The following FRAS1 variants were observed in gnomAD, a reference collection of about 807,000 sequenced individuals.
FRAS1 encodes the protein Fraser extracellular matrix complex subunit 1, also known as extracellular matrix organizing protein FRAS1.
A neutral mutation model predicts 435.2 loss-of-function variants in FRAS1; 290 were observed. The ratio of observed to expected loss-of-function variants is 0.67; its 90% CI spans 0.61 to 0.73. The LOEUF (loss-of-function observed/expected upper bound fraction) is 0.73. Among genes scored for constraint, FRAS1 ranks in the 30% least tolerant of loss-of-function variants. The probability of loss-of-function intolerance (pLI) is 0.00; values close to 1 mark genes in which losing one functional copy is unlikely to be tolerated. For missense variants in FRAS1, 4,860 were observed against 5,001.5 expected (o/e 0.97, Z 0.85); for synonymous variants, 1,800 against 1,851.0 (o/e 0.97, Z 0.71).
At chr4:78,117,695 T>C (rs115675829) in intron 2 of FRAS1, among the ~76,000 whole-genome samples, 42,490 of 147,986 alleles carry the variant, frequency 0.29, 6,253 homozygotes, top group African/African-American at 0.36. Flanking sequence ...CTTTTGAAGA[T>C]TTCTCTGCAT....
chr4:78,452,200 CA>C lies in FRAS1; in HGVS notation c.6610del (p.Thr2204ProfsTer12). The C allele has an allele frequency of 6.2e-7, 1 of 1,613,684 alleles. No individual in the cohort carries two copies. Among genetic ancestry groups the C allele is most frequent in the South Asian group, 1.1e-5 (1 of 91,056 alleles). On this transcript the variant is annotated frameshift_variant, in exon 47 of 74. Transcript: ENST00000512123. LOFTEE classifies it high-confidence loss of function. Reference protein sequence around the residue: ...LEDKSPPVITTNKGLVLDENS... With the variant: ...LEDKSPPVITXNKGLVLDENS... ...AAGACAAATCCCCACCAGTCATCAC[CA>C]CCAATAAAGGACTGGTCTTGGATGA...
chr4:78,099,711 G>T (rs1418673313), intron 2 of FRAS1, among the ~76,000 whole-genome samples: 3 of 152,160 alleles, frequency 2.0e-5, no homozygotes, highest in African/African-American at 7.2e-5. Context: ...AGGGAGTGTG[G>T]TTCCAGAGTA....
rs1270945122 is a variant in FRAS1, at chr4:78,138,986, T to C, written c.108+72970T>C. On this transcript the variant is annotated intron_variant, in intron 2 of 73. Transcript: ENST00000512123. ...GTGTGTGTACATGTGCTCACAAGCA[T>C]GTGCAATGCAGATCTGCACATCTGT... Among the ~76,000 whole-genome samples the C allele has an allele frequency of 5.3e-5, 8 of 152,354 alleles. No homozygotes were observed. The East Asian group carries it at 1.2e-3, about 22-fold the overall frequency.
At chr4:78,501,164 T>C (rs1720670911) in intron 61 of FRAS1, among the ~76,000 whole-genome samples, 1 of 152,156 alleles carries the variant, frequency 6.6e-6, no homozygotes, top group African/African-American at 2.4e-5. Context: ...CCCTGCCCTG[T>C]GTCCAAGTGT....
Position 78,268,876 on chromosome 4 carries a change from G to A in FRAS1, c.981+1444G>A, listed in dbSNP as rs143810266. On this transcript the variant is annotated intron_variant, in intron 9 of 73. Transcript: ENST00000512123. Reference sequence around the variant, plus strand: ...AGTATTCAAGTCACCCCATAACACCGTCTCATTCCTTTCTAGTTACTTCCA... The same window carrying A: ...AGTATTCAAGTCACCCCATAACACCATCTCATTCCTTTCTAGTTACTTCCA... 8.1e-4 allele frequency among the ~76,000 whole-genome samples: 124 copies of A among 152,248 alleles called. 1 individual carries two copies. The highest frequency in any genetic ancestry group is 2.8e-3 in the African/African-American group (115 of 41,540).
intron 2 of FRAS1, among the ~76,000 whole-genome samples, chr4:78,078,825 G>C (rs929936607): frequency 6.6e-6 from 1 of 151,878 alleles, no homozygotes; most frequent in Non-Finnish European, 1.5e-5. Context: ...TTAATAACCA[G>C]GTAAAAACTA....
rs550923189 is a variant in FRAS1, at chr4:78,318,101, G to A, written c.1960+593G>A. On this transcript the variant is annotated intron_variant, in intron 17 of 73. Coordinates refer to ENST00000512123, the MANE Select transcript of FRAS1 (RefSeq NM_025074.7). ...CAATGTATATTTATTTGTATATCAG[G>A]CACCTTAGAACAGAGTTTGAGAATA... is the stretch of plus-strand genomic sequence containing the variant. 1.4e-4 allele frequency among the ~76,000 whole-genome samples: 22 copies of A among 152,202 alleles called. No individual in the cohort carries two copies. The South Asian group carries it at 4.6e-3, about 32-fold the overall frequency.
At chr4:78,404,181 T>A (rs1471621802) in intron 30 of FRAS1, among the ~76,000 whole-genome samples, 1 of 152,124 alleles carries the variant, frequency 6.6e-6, no homozygotes, top group Non-Finnish European at 1.5e-5. Flanking sequence ...TAAGATACGT[T>A]CATATGAATG....
At chr4:78,169,144 C>T (rs1172330968) in intron 2 of FRAS1, among the ~76,000 whole-genome samples, 1 of 152,054 alleles carries the variant, frequency 6.6e-6, no homozygotes, top group Non-Finnish European at 1.5e-5. Flanking sequence ...TTGAGCCATT[C>T]AGAATGAGTT....
In FRAS1 at chr4:78,475,521, G is replaced by A. The variant is rs1468106941; in HGVS notation, c.7766G>A (p.Cys2589Tyr). 1.2e-6 allele frequency: 2 copies of A among 1,613,776 alleles called. No homozygotes were observed. Among genetic ancestry groups the A allele is most frequent in the Non-Finnish European group, 1.7e-6 (2 of 1,179,824 alleles). Residue 2589 changes from cysteine to tyrosine, a missense_variant, in exon 54 of 74, where the codon TGT becomes TAT. Transcript: ENST00000512123. ...CTGAACCAATATGCCATCGTCCTGT[G>A]TCGCACCGAGCAAGGCACCGCCAGC... The part of the protein sequence containing the change: ...GNLNQYAIVL[C>Y]RTEQGTASSS...
intron 23 of FRAS1, among the ~76,000 whole-genome samples, chr4:78,371,932 AATCC>A (rs1337068858): frequency 6.6e-6 from 1 of 152,150 alleles, no homozygotes; most frequent in East Asian, 1.9e-4. Context: ...TGCTGAGCCT[AATCC>A]ATATTTTTTA....
chr4:78,238,381 T>C (rs1241399146), intron 3 of FRAS1, among the ~76,000 whole-genome samples: 1 of 60,336 alleles, frequency 1.7e-5, no homozygotes, highest in African/African-American at 3.8e-5. Context: ...AATTTGAACT[T>C]CTGAAACTCC....
At chr4:78,495,383 A>G (rs1415789834) in intron 59 of FRAS1, among the ~76,000 whole-genome samples, 1 of 152,182 alleles carries the variant, frequency 6.6e-6, no homozygotes, top group Non-Finnish European at 1.5e-5. Flanking sequence ...TTAGCATAAA[A>G]CATACCCATC....
chr4:78,380,072 C>T (rs771673340), intron 27 of FRAS1, 76 bp downstream of exon 27: 8 of 1,499,622 alleles, frequency 5.3e-6, no homozygotes, highest in Non-Finnish European at 6.3e-6. Context: ...CTGTCCCAGC[C>T]TCTCTGTCTC....
chr4:78,401,505 T>G (rs1308210261), intron 30 of FRAS1, among the ~76,000 whole-genome samples: 11 of 152,216 alleles, frequency 7.2e-5, no homozygotes, highest in Admixed American at 7.2e-4. Flanking sequence ...TGCATGAGCT[T>G]AATAGCATAG....
intron 61 of FRAS1, among the ~76,000 whole-genome samples, chr4:78,503,301 T>C (rs745487808): frequency 1.3e-5 from 2 of 152,246 alleles, no homozygotes; most frequent in African/African-American, 2.4e-5. Flanking sequence ...CCAGCTCTTC[T>C]TTGTACCTCT....
At chr4:78,319,263 C>T (rs926488108) in intron 18 of FRAS1, 2 of 518,570 alleles carry the variant, frequency 3.9e-6, no homozygotes, top group East Asian at 8.8e-5. Flanking sequence ...CTTTCAGGGA[C>T]CACTATGTGT....
chr4:78,410,162 T>C (rs993237118), intron 31 of FRAS1, among the ~76,000 whole-genome samples: 2 of 152,160 alleles, frequency 1.3e-5, no homozygotes, highest in African/African-American at 4.8e-5. Flanking sequence ...TTTGCCTTCG[T>C]AGGGTGAGGA....
intron 47 of FRAS1, among the ~76,000 whole-genome samples, chr4:78,457,087 A>G (rs1378630737): frequency 6.6e-6 from 1 of 152,204 alleles, no homozygotes; most frequent in Non-Finnish European, 1.5e-5. Flanking sequence ...GCCTAAAGTG[A>G]CATAATGGCT....
Sources: gnomAD v4.1 joint callset for allele counts (sites outside exome capture counted in the v4.1 genomes callset) on GRCh38, gnomAD v4.1.1 for gene constraint, MANE v1.5 for transcripts, NCBI Gene and HGNC (gene_info 2026-07-23, HGNC 2026-07-21) for gene names.